The following NWD1 variants were observed in gnomAD, a reference collection of about 807,000 sequenced individuals.
The protein encoded by NWD1 is NACHT and WD repeat domain containing 1, also known as NACHT domain- and WD repeat-containing protein 1.
A neutral mutation model predicts 135.1 loss-of-function variants in NWD1; 129 were observed. That is an observed-to-expected ratio of 0.96 (90% CI 0.83 to 1.11). The LOEUF is 1.11. Ranked by LOEUF, NWD1 falls within the 50% of genes least tolerant of loss-of-function variation. The pLI is 0.00. For synonymous variants in NWD1, 773 were observed against 786.0 expected (o/e 0.98, Z 0.28); for missense variants, 1,740 against 1,851.3 (o/e 0.94, Z 1.10).
At chr19:16,782,208 G>C (rs909141842) in intron 12 of NWD1, among the ~76,000 whole-genome samples, 11 of 147,790 alleles carry the variant, frequency 7.4e-5, no homozygotes. Flanking sequence ...TGTAATCCCA[G>C]CACTTTGAAG....
At chr19:16,782,672 A>G (rs1013984135) in intron 12 of NWD1, among the ~76,000 whole-genome samples, 1 of 152,112 alleles carries the variant, frequency 6.6e-6, no homozygotes, top group Non-Finnish European at 1.5e-5. Context: ...TGGGTTTTGC[A>G]TCTATAGATT....
chr19:16,742,658 A>G (rs1968132108), intron 4 of NWD1, among the ~76,000 whole-genome samples: 2 of 151,988 alleles, frequency 1.3e-5, no homozygotes, highest in South Asian at 4.1e-4. Flanking sequence ...TTTAAATCTT[A>G]ATTATCGAGA....
At chr19:16,738,710 G>A (rs1967941367) in intron 4 of NWD1, among the ~76,000 whole-genome samples, 4 of 140,764 alleles carry the variant, frequency 2.8e-5, no homozygotes, top group Non-Finnish European at 4.5e-5. Context: ...GGAATAATGG[G>A]CAAAACATAT....
rs1437992298 is a variant in NWD1 at position 16,720,162 on chromosome 19, GTGA to G, written c.-231_-229del. ...AGAAACAGTTGTGGAGGAAGCTGTT[GTGA>G]TGATAATTTACTGAGCACCTACTAT... is the stretch of plus-strand genomic sequence containing the variant. On this transcript the variant is annotated 5_prime_UTR_variant, in exon 1 of 19. It removes an upstream start codon present in the reference 5' UTR. Transcript: ENST00000524140. 1 of 152,238 alleles carries G rather than the reference GTGA, an allele frequency of 6.6e-6. No individual in the cohort carries two copies. The highest frequency in any genetic ancestry group is 1.5e-5 in the Non-Finnish European group (1 of 68,060). 9.4% of individuals were successfully genotyped at this position (152,238 alleles called of 1,614,324 possible).
rs1967087748 is a variant in NWD1 at position 16,720,212 on chromosome 19, C to T, written c.-186C>T. On this transcript the variant is annotated 5_prime_UTR_variant, in exon 1 of 19. Coordinates refer to ENST00000524140, the MANE Select transcript of NWD1 (RefSeq NM_001007525.5). The stretch of plus-strand genomic sequence containing the variant: ...CTATGTGCCAGGCACGCCAGCCTTA[C>T]CAGACAAGATCCTTGGGCTCATGGA... 1 of 152,176 alleles carries T rather than the reference C, an allele frequency of 6.6e-6. No homozygotes were observed. The highest frequency in any genetic ancestry group is 2.4e-5 in the African/African-American group (1 of 41,448). 9.4% of individuals were successfully genotyped at this position (152,176 alleles called of 1,614,324 possible). A position where few individuals can be genotyped will look rare whatever the true frequency, so the allele number is the denominator to read the frequency against.
intron 1 of NWD1, among the ~76,000 whole-genome samples, chr19:16,720,563 T>A (rs1205650598): frequency 1.3e-5 from 2 of 149,088 alleles, no homozygotes; most frequent in Non-Finnish European, 3.0e-5. Flanking sequence ...CTAGGGAGAC[T>A]TTTTTTTTTT....
intron 10 of NWD1, among the ~76,000 whole-genome samples, chr19:16,771,136 TA>T (rs777679036): frequency 6.6e-6 from 1 of 151,426 alleles, no homozygotes; most frequent in Non-Finnish European, 1.5e-5. Flanking sequence ...CCTATCTCTG[TA>T]AAAAAAAATT....
chr19:16,764,369 A>ATCCG (rs1969137813), intron 9 of NWD1, among the ~76,000 whole-genome samples: 1 of 129,648 alleles, frequency 7.7e-6, no homozygotes, highest in African/African-American at 3.6e-5. Flanking sequence ...CTGTCCATCC[A>ATCCG]TCCATCCATC....
At position 16,784,994 on chromosome 19, in the gene NWD1, A is replaced by G. The variant is rs1969990608; in HGVS notation, c.2732-3988A>G. 2.0e-5 allele frequency among the ~76,000 whole-genome samples: 3 copies of G among 150,288 alleles called. No individual in the cohort carries two copies. The South Asian group carries it at 6.3e-4, about 32-fold the overall frequency. ...GTCACCAGGGGCCACATGGTGTGCG[A>G]CTCCCATGGATATGAAATGTCCAGA... On this transcript the variant is annotated intron_variant, in intron 12 of 18. Transcript: ENST00000524140.
intron 12 of NWD1, among the ~76,000 whole-genome samples, chr19:16,782,689 A>C (rs1969897049): frequency 6.6e-6 from 1 of 152,048 alleles, no homozygotes; most frequent in Non-Finnish European, 1.5e-5. Flanking sequence ...GATTCAACCG[A>C]CTGTGGATTG....
intron 2 of NWD1, 80 bp downstream of exon 2, chr19:16,724,543 C>G (rs1342572214): frequency 6.6e-6 from 1 of 152,084 alleles, no homozygotes; most frequent in Non-Finnish European, 1.5e-5. Flanking sequence ...GTCGCCAGGG[C>G]ATTTTCAATA....
At chr19:16,754,163 T>G (rs924829157) in intron 6 of NWD1, among the ~76,000 whole-genome samples, 46 of 151,574 alleles carry the variant, frequency 3.0e-4, no homozygotes, top group African/African-American at 9.9e-4. Flanking sequence ...CATCTCTATC[T>G]TCCATCCATC....
chr19:16,765,184 G>A lies in NWD1; in HGVS notation c.2402G>A (p.Arg801Gln), dbSNP rs763214334. The A allele has an allele frequency of 8.1e-6, 13 of 1,613,930 alleles. No individual in the cohort carries two copies. Among genetic ancestry groups the A allele is most frequent in the Admixed American group, 5.0e-5 (3 of 59,980 alleles). The change falls in exon 10 of 19, where the codon CGA (arginine) becomes CAA (glutamine). Residue 801 changes from arginine to glutamine, a missense_variant. Coordinates refer to ENST00000524140, the MANE Select transcript of NWD1 (RefSeq NM_001007525.5). ...CTCTGCCGCCCTGCTGTGGAGCTCC[G>A]AGGCATGGGTGAGTCCAGATGGCCT... ...LQLCRPAVEL[R>Q]GMERSLLYTE...
intron 17 of NWD1, among the ~76,000 whole-genome samples, chr19:16,803,639 A>G (rs10439171): frequency 0.091 from 13,885 of 151,822 alleles, 1,294 homozygotes; most frequent in African/African-American, 0.24. Context: ...AGTCATGGCC[A>G]GGTGTGGTGG....
chr19:16,789,814 T>C (rs1970181548), intron 13 of NWD1, among the ~76,000 whole-genome samples: 1 of 150,470 alleles, frequency 6.6e-6, no homozygotes, highest in Non-Finnish European at 1.5e-5. Flanking sequence ...ACCTCCCAGG[T>C]TGAAGTGATT....
intron 16 of NWD1, among the ~76,000 whole-genome samples, chr19:16,798,326 T>C (rs941425169): frequency 1.3e-5 from 2 of 152,128 alleles, no homozygotes; most frequent in Admixed American, 1.3e-4. Flanking sequence ...AATTGATAAA[T>C]AGACTGTGCA....
intron 3 of NWD1, among the ~76,000 whole-genome samples, chr19:16,734,260 C>G (rs1967697715): frequency 6.6e-6 from 1 of 152,072 alleles, no homozygotes; most frequent in Non-Finnish European, 1.5e-5. Flanking sequence ...TTTAAAAAAG[C>G]TTTTCTGTCA....
chr19:16,795,882 C>A (rs1241270497), intron 15 of NWD1, among the ~76,000 whole-genome samples: 1 of 152,144 alleles, frequency 6.6e-6, no homozygotes, highest in Non-Finnish European at 1.5e-5. Flanking sequence ...GGACAGAGGG[C>A]CACAGTGTCA....
intron 3 of NWD1, among the ~76,000 whole-genome samples, chr19:16,736,066 A>G (rs1028990091): frequency 6.6e-6 from 1 of 151,970 alleles, no homozygotes; most frequent in African/African-American, 2.4e-5. Context: ...TCTGGTGAAG[A>G]ACCCCATCCA....
Sources: gnomAD v4.1 joint callset for allele counts (sites outside exome capture counted in the v4.1 genomes callset) on GRCh38, gnomAD v4.1.1 for gene constraint, MANE v1.5 for transcripts, NCBI Gene and HGNC (gene_info 2026-07-23, HGNC 2026-07-21) for gene names.